BAIAP2L1: variants seen among roughly 807,000 people sequenced by gnomAD.
The protein encoded by BAIAP2L1 is BAR/IMD domain containing adaptor protein 2 like 1.
A neutral mutation model predicts 66.3 loss-of-function variants in BAIAP2L1; 35 were observed. The observed-to-expected ratio is 0.53, with a 90% CI of 0.40 to 0.70. BAIAP2L1 has a LOEUF of 0.70. BAIAP2L1 is among the 30% of genes least tolerant of loss of function. The pLI is 0.00. For synonymous variants in BAIAP2L1, 269 were observed against 248.7 expected, an observed-to-expected ratio of 1.08 and a Z score of -0.77; for missense variants, 622 against 656.9, an observed-to-expected ratio of 0.95 and a Z score of 0.58.
At chr7:98,363,133 C>G (rs1431723499) in intron 1 of BAIAP2L1, among the ~76,000 whole-genome samples, 1 of 145,314 alleles carries the variant, frequency 6.9e-6, no homozygotes, top group Non-Finnish European at 1.5e-5. Context: ...CTACTAGGTT[C>G]AAGCAATTCT....
chr7:98,352,285 C>T (rs1477155929), intron 3 of BAIAP2L1, among the ~76,000 whole-genome samples: 2 of 152,124 alleles, frequency 1.3e-5, no homozygotes, highest in African/African-American at 4.8e-5. Context: ...AAGTATTAAG[C>T]AAAAGGACAG....
At chr7:98,338,421 TAAAAAA>T (rs35420774) in intron 3 of BAIAP2L1, among the ~76,000 whole-genome samples, 1 of 131,450 alleles carries the variant, frequency 7.6e-6, no homozygotes. Flanking sequence ...GACTCCGTCT[TAAAAAA>T]AAAAAAAAAA....
chr7:98,382,241 T>C (rs1802776533), intron 1 of BAIAP2L1, among the ~76,000 whole-genome samples: 1 of 151,986 alleles, frequency 6.6e-6, no homozygotes, highest in South Asian at 2.1e-4. Flanking sequence ...TTTTCAATTG[T>C]TAATTTGAAA....
chr7:98,314,737 C>T (rs552828550), intron 7 of BAIAP2L1, among the ~76,000 whole-genome samples: 4 of 152,216 alleles, frequency 2.6e-5, no homozygotes, highest in Non-Finnish European at 4.4e-5. Context: ...CCCCCGGACA[C>T]GGACCCATGA....
intron 1 of BAIAP2L1, among the ~76,000 whole-genome samples, chr7:98,387,670 G>A (rs1342390351): frequency 6.6e-6 from 1 of 151,364 alleles, no homozygotes; most frequent in Non-Finnish European, 1.5e-5. Context: ...GACCAGCCTG[G>A]CCAACAAAGT....
chr7:98,388,786 C>T (rs1802955174), intron 1 of BAIAP2L1, among the ~76,000 whole-genome samples: 1 of 152,038 alleles, frequency 6.6e-6, no homozygotes, highest in African/African-American at 2.4e-5. Flanking sequence ...CCAGCCTGGG[C>T]AGCATAGTGA....
At chr7:98,311,387 CA>C (rs1437070980) in intron 8 of BAIAP2L1, among the ~76,000 whole-genome samples, 1 of 150,906 alleles carries the variant, frequency 6.6e-6, no homozygotes, top group Non-Finnish European at 1.5e-5. Context: ...ACTAAAAATA[CA>C]AAAAAATTAG....
chr7:98,387,140 C>T (rs1250529743), intron 1 of BAIAP2L1, among the ~76,000 whole-genome samples: 1 of 152,266 alleles, frequency 6.6e-6, no homozygotes, highest in African/African-American at 2.4e-5. Context: ...GGCCAGCCCC[C>T]GCTGGGACAG....
chr7:98,292,844 A>C lies in BAIAP2L1; in HGVS notation c.*677T>G. 6.9e-7 allele frequency: 1 copy of C among 1,443,970 alleles called. No individual in the cohort carries two copies. The allele number at this position is 1,443,970 out of a possible 1,614,324, so 89.4% of individuals were successfully genotyped here. On this transcript the variant is annotated 3_prime_UTR_variant, in exon 14 of 14. Transcript: ENST00000005260. ...GCCGTGTGCAGCGAATCCGTTGGCGACTCCTAACTACCAAGAAAAGGAGCT... is the reference window on the plus strand; with the variant it reads ...GCCGTGTGCAGCGAATCCGTTGGCGCCTCCTAACTACCAAGAAAAGGAGCT...
In BAIAP2L1 at chr7:98,362,348, C is replaced by G; in HGVS notation, c.127+9G>C. On this transcript the variant is annotated intron_variant, in intron 2 of 13. Coordinates refer to ENST00000005260, the MANE Select transcript of BAIAP2L1 (RefSeq NM_018842.5). ...TTTATATATAATCAATTCAGAAAAA[C>G]AGACTTACCGTTTACAGCTTTCTCA... 1 of 1,594,074 alleles carries G rather than the reference C, an allele frequency of 6.3e-7. No homozygotes were observed. Among genetic ancestry groups the G allele is most frequent in the Non-Finnish European group, 8.6e-7 (1 of 1,165,080 alleles).
chr7:98,303,027 C>CT (rs1800491928), intron 12 of BAIAP2L1, among the ~76,000 whole-genome samples: 1 of 152,190 alleles, frequency 6.6e-6, no homozygotes, highest in South Asian at 2.1e-4. Context: ...TCAAGTGATC[C>CT]TCCTGCCTTG....
chr7:98,352,957 TA>T (rs1802032473), intron 3 of BAIAP2L1, among the ~76,000 whole-genome samples: 1 of 152,148 alleles, frequency 6.6e-6, no homozygotes, highest in Admixed American at 6.5e-5. Context: ...ATGACACCAA[TA>T]GGATGTTTCT....
At position 98,310,506 on chromosome 7, in the gene BAIAP2L1, G is replaced by C. The variant is rs528132030; in HGVS notation, c.894C>G (p.Ile298Met). ...CCGTGGCTGGGTTATTAAACATATC[G>C]ATCAAGGGACTGGTATATGCTCTGC... is the stretch of plus-strand genomic sequence containing the variant. ...PSGRAYTSPL[I>M]DMFNNPATAA... is the part of the protein sequence containing the mutation. The change falls in exon 9 of 14, where the codon ATC (isoleucine) becomes ATG (methionine). Residue 298 changes from isoleucine to methionine, a missense_variant. Physicochemically the swap from Ile to Met is conservative, Grantham distance 10. Transcript: ENST00000005260. 9.3e-6 allele frequency: 15 copies of C among 1,606,728 alleles called. No homozygotes were observed. The highest frequency in any genetic ancestry group is 8.6e-5 in the Admixed American group (5 of 57,858).
rs1290440005 is a variant in BAIAP2L1, at chr7:98,315,630, A to ATAATAT, written c.487-19_487-18insATATTA. The stretch of plus-strand genomic sequence containing the variant: ...TCCACATACTAAAAAAAAAAAAATA[A>ATAATAT]TAATAATAATAATTATATAAGCATG... On this transcript the variant is annotated intron_variant, in intron 6 of 13. Coordinates refer to ENST00000005260, the MANE Select transcript of BAIAP2L1 (RefSeq NM_018842.5). 1 of 1,103,272 alleles carries ATAATAT rather than the reference A, an allele frequency of 9.1e-7. No homozygotes were observed. The highest frequency in any genetic ancestry group is 1.2e-6 in the Non-Finnish European group (1 of 842,574). The allele number at this position is 1,103,272 out of a possible 1,614,324, so 68.3% of individuals were successfully genotyped here. A position where few individuals can be genotyped will look rare whatever the true frequency, so the allele number is the denominator to read the frequency against.
Position 98,362,340 on chromosome 7 carries a change from C to G in BAIAP2L1, c.127+17G>C. On this transcript the variant is annotated intron_variant, in intron 2 of 13. Coordinates refer to ENST00000005260, the MANE Select transcript of BAIAP2L1 (RefSeq NM_018842.5). ...TGAGTGGCTTTATATATAATCAATTCAGAAAAACAGACTTACCGTTTACAG... is the reference window on the plus strand; with the variant it reads ...TGAGTGGCTTTATATATAATCAATTGAGAAAAACAGACTTACCGTTTACAG... 1 of 1,575,574 alleles carries G rather than the reference C, an allele frequency of 6.3e-7. No homozygotes were observed. Among genetic ancestry groups the G allele is most frequent in the Non-Finnish European group, 8.7e-7 (1 of 1,150,762 alleles).
chr7:98,357,015 A>AC (rs1802140904), intron 2 of BAIAP2L1, among the ~76,000 whole-genome samples: 3 of 28,434 alleles, frequency 1.1e-4, no homozygotes, highest in South Asian at 1.7e-3. Context: ...AAAAAAAAAA[A>AC]AAAAAATATA....
intron 1 of BAIAP2L1, among the ~76,000 whole-genome samples, chr7:98,390,361 T>C (rs1803006037): frequency 6.6e-6 from 1 of 152,192 alleles, no homozygotes; most frequent in South Asian, 2.1e-4. Flanking sequence ...AAAAACATTA[T>C]GTCCATTAAA....
chr7:98,310,334 G>T, intron 9 of BAIAP2L1, 111 bp downstream of exon 9: 1 of 1,239,846 alleles, frequency 8.1e-7, no homozygotes. Context: ...TACCATACCT[G>T]CTTGTTTACC....
intron 1 of BAIAP2L1, among the ~76,000 whole-genome samples, chr7:98,380,324 T>C (rs1238667538): frequency 6.6e-6 from 1 of 152,062 alleles, no homozygotes; most frequent in African/African-American, 2.4e-5. Context: ...GATAAAGACA[T>C]ACCCAAGACT....
Sources: gnomAD v4.1 joint callset for allele counts (sites outside exome capture counted in the v4.1 genomes callset) on GRCh38, gnomAD v4.1.1 for gene constraint, MANE v1.5 for transcripts, NCBI Gene and HGNC (gene_info 2026-07-23, HGNC 2026-07-21) for gene names.